The following NAALADL2 variants were observed in gnomAD, a reference collection of about 807,000 sequenced individuals.
The protein encoded by NAALADL2 is N-acetylated alpha-linked acidic dipeptidase like 2, also known as inactive N-acetylated-alpha-linked acidic dipeptidase-like protein 2.
Under a neutral mutation model 87.2 loss-of-function variants are expected in NAALADL2, and 76 were observed. The observed-to-expected ratio is 0.87, with a 90% CI of 0.72 to 1.05. NAALADL2 has a LOEUF of 1.05. NAALADL2 is among the 50% of genes least tolerant of loss of function. The pLI is 0.00. For missense variants in NAALADL2, 1,089 were observed against 945.8 expected, an observed-to-expected ratio of 1.15 and a Z score of -1.99; for synonymous variants, 354 against 331.0, an observed-to-expected ratio of 1.07 and a Z score of -0.75.
intron 1 of NAALADL2, among the ~76,000 whole-genome samples, chr3:174,465,630 T>C (rs1389932002): frequency 1.3e-5 from 2 of 152,204 alleles, no homozygotes; most frequent in South Asian, 2.1e-4. Flanking sequence ...ATAAGATGTT[T>C]GAACTACAGC....
Position 175,097,266 on chromosome 3 carries a change from G to T in NAALADL2, c.520G>T (p.Ala174Ser). ...LYQEILKTIQ[A>S]EDIKKSFRNL... ...TCAAGAGATTCTCAAGACAATCCAG[G>T]CAGAAGATATTAAGAAGTCTTTCAG... is the stretch of plus-strand genomic sequence containing the variant. Residue 174 changes from alanine (A) to serine (S), a missense_variant, in exon 2 of 14, where the codon GCA (alanine) becomes TCA (serine). Ala to Ser is a moderately conservative substitution (Grantham distance 99). Coordinates refer to ENST00000454872, the MANE Select transcript of NAALADL2 (RefSeq NM_207015.3). 6.2e-7 allele frequency: 1 copy of T among 1,610,754 alleles called. No individual in the cohort carries two copies. The highest frequency in any genetic ancestry group is 1.7e-4 in the Middle Eastern group (1 of 6,036).
At chr3:175,224,813 C>T (rs532799129) in intron 2 of NAALADL2, among the ~76,000 whole-genome samples, 10 of 152,274 alleles carry the variant, frequency 6.6e-5, no homozygotes, top group Admixed American at 2.6e-4. Context: ...TAACATGCTT[C>T]AAAACACGTT....
At chr3:175,661,244 T>G (rs551140129) in intron 11 of NAALADL2, among the ~76,000 whole-genome samples, 1 of 152,168 alleles carries the variant, frequency 6.6e-6, no homozygotes, top group East Asian at 1.9e-4. Flanking sequence ...TCCTGTTGAT[T>G]GATGTTGTTG....
intron 11 of NAALADL2, among the ~76,000 whole-genome samples, chr3:175,705,811 C>A (rs1232597270): frequency 6.6e-6 from 1 of 152,050 alleles, no homozygotes; most frequent in African/African-American, 2.4e-5. Context: ...GACCCAGACC[C>A]AGATCATCTC....
intron 1 of NAALADL2, among the ~76,000 whole-genome samples, chr3:175,039,469 C>T (rs1396859437): frequency 2.0e-5 from 3 of 152,124 alleles, no homozygotes; most frequent in Non-Finnish European, 4.4e-5. Flanking sequence ...AGCTCTTCCA[C>T]GTTCACTCAG....
chr3:175,130,172 C>T (rs150733786), intron 2 of NAALADL2, among the ~76,000 whole-genome samples: 243 of 150,970 alleles, frequency 1.6e-3, no homozygotes, highest in African/African-American at 5.6e-3. Flanking sequence ...TGTCTCATAT[C>T]GGGTTGTATA....
chr3:175,368,892 G>A (rs929544543), intron 5 of NAALADL2, among the ~76,000 whole-genome samples: 1 of 151,926 alleles, frequency 6.6e-6, no homozygotes, highest in African/African-American at 2.4e-5. Context: ...AGCGAAATAT[G>A]ATATAAAAGA....
At chr3:175,026,641 A>G (rs926238925) in intron 1 of NAALADL2, among the ~76,000 whole-genome samples, 3 of 147,196 alleles carry the variant, frequency 2.0e-5, no homozygotes, top group Non-Finnish European at 4.4e-5. Flanking sequence ...GGCAACAAGA[A>G]CAAAACTCTG....
At chr3:175,114,939 C>T (rs1045402686) in intron 2 of NAALADL2, among the ~76,000 whole-genome samples, 2 of 151,488 alleles carry the variant, frequency 1.3e-5, no homozygotes, top group Non-Finnish European at 3.0e-5. Context: ...TTTCTCTTTA[C>T]GAATTACATT....
intron 2 of NAALADL2, among the ~76,000 whole-genome samples, chr3:174,582,882 C>T (rs1478765799): frequency 1.4e-5 from 2 of 142,452 alleles, no homozygotes; most frequent in Non-Finnish European, 3.0e-5. Flanking sequence ...CTGCACCCAG[C>T]CCAGACTTCA....
intron 3 of NAALADL2, among the ~76,000 whole-genome samples, chr3:174,850,571 A>C (rs1031230247): frequency 2.6e-5 from 4 of 152,202 alleles, no homozygotes; most frequent in African/African-American, 7.2e-5. Context: ...GGAGGATTCA[A>C]CAATTGTAAA....
intron 10 of NAALADL2, among the ~76,000 whole-genome samples, chr3:175,590,008 C>G (rs1430242610): frequency 1.3e-5 from 2 of 151,880 alleles, no homozygotes; most frequent in African/African-American, 2.4e-5. Context: ...GTCAGGAGAT[C>G]GAGACCATCC....
At position 175,650,043 on chromosome 3, in the gene NAALADL2, G is replaced by T. The variant is rs187344663; in HGVS notation, c.1896+22657G>T. ...CAAATATTCATAGCAGCATTATTCA[G>T]AATAACCCCACACCAAAAAAAAAAA... is the stretch of plus-strand genomic sequence containing the variant. On this transcript the variant is annotated intron_variant, in intron 11 of 13. Transcript: ENST00000454872. 2.7e-4 allele frequency among the ~76,000 whole-genome samples: 25 copies of T among 92,480 alleles called. 1 individual carries two copies. Among genetic ancestry groups the T allele is most frequent in the African/African-American group, 1.2e-3 (25 of 20,800 alleles). 60.7% of individuals were successfully genotyped at this position (92,480 alleles called of 152,430 possible).
At chr3:175,429,177 A>ACG (rs1491435278) in intron 5 of NAALADL2, among the ~76,000 whole-genome samples, 7 of 40,818 alleles carry the variant, frequency 1.7e-4, no homozygotes, top group Non-Finnish European at 2.9e-4. Flanking sequence ...ATATATATGT[A>ACG]CACACACACA....
intron 5 of NAALADL2, among the ~76,000 whole-genome samples, chr3:175,435,263 A>T (rs1162473465): frequency 6.6e-6 from 1 of 152,040 alleles, no homozygotes; most frequent in East Asian, 1.9e-4. Context: ...CACGTTAATG[A>T]CCATCATCCA....
chr3:175,552,373 A>C lies in NAALADL2; in HGVS notation c.1654-23668A>C, dbSNP rs571472537. 2.4e-3 allele frequency among the ~76,000 whole-genome samples: 368 copies of C among 152,286 alleles called. 2 individuals carry two copies. Among genetic ancestry groups the C allele is most frequent in the East Asian group, 3.7e-3 (19 of 5,172 alleles). On this transcript the variant is annotated intron_variant, in intron 9 of 13. Transcript: ENST00000454872. ...CTCTAGTGAAAAAAGAAAATAGAGT[A>C]TTAAATTTTGCATGGAAATTTTTAG...
At chr3:175,086,514 T>G (rs1718951218) in intron 1 of NAALADL2, among the ~76,000 whole-genome samples, 1 of 152,180 alleles carries the variant, frequency 6.6e-6, no homozygotes, top group Non-Finnish European at 1.5e-5. Flanking sequence ...CTAAAAATTT[T>G]GCATACAATA....
At position 174,882,667 on chromosome 3, in the gene NAALADL2, A is replaced by G. The variant is rs557871470; in HGVS notation, c.43+23217A>G. On this transcript the variant is annotated intron_variant, in intron 1 of 13. Coordinates refer to ENST00000454872, the MANE Select transcript of NAALADL2 (RefSeq NM_207015.3). ...TGTGCATATACACATATGTGCATATACACATATGTGTATATGTGTATCCGT... is the reference window on the plus strand; with the variant it reads ...TGTGCATATACACATATGTGCATATGCACATATGTGTATATGTGTATCCGT... Among the ~76,000 whole-genome samples the G allele has an allele frequency of 2.0e-3, 228 of 115,106 alleles. 4 individuals carry two copies. Among genetic ancestry groups the G allele is most frequent in the African/African-American group, 8.5e-3 (201 of 23,786 alleles). 75.5% of individuals were successfully genotyped at this position (115,106 alleles called of 152,430 possible).
At chr3:174,588,220 A>G (rs1210281243) in intron 2 of NAALADL2, among the ~76,000 whole-genome samples, 1 of 152,160 alleles carries the variant, frequency 6.6e-6, no homozygotes, top group Non-Finnish European at 1.5e-5. Flanking sequence ...TTTCAGCTCC[A>G]TCAGGTCATT....
Sources: gnomAD v4.1 joint callset for allele counts (sites outside exome capture counted in the v4.1 genomes callset) on GRCh38, gnomAD v4.1.1 for gene constraint, MANE v1.5 for transcripts, NCBI Gene and HGNC (gene_info 2026-07-23, HGNC 2026-07-21) for gene names.